TECTA: variants seen among roughly 807,000 people sequenced by gnomAD.
TECTA encodes the protein alpha-tectorin.
In TECTA, 128 loss-of-function variants were observed where a neutral mutation model predicts 216.8. The observed-to-expected ratio is 0.59, with a 90% confidence interval of 0.51 to 0.68. The LOEUF is 0.68. TECTA is among the 30% of genes least tolerant of loss of function. The pLI, the probability that TECTA is intolerant of heterozygous loss-of-function variation, is 0.00. For synonymous variants in TECTA, 1,089 were observed against 1,117.1 expected, an observed-to-expected ratio of 0.97 and a Z score of 0.50; for missense variants, 2,551 against 2,786.2, an observed-to-expected ratio of 0.92 and a Z score of 1.90.
intron 10 of TECTA, among the ~76,000 whole-genome samples, chr11:121,131,995 G>A (rs1228405525): frequency 6.6e-6 from 1 of 152,096 alleles, no homozygotes; most frequent in Non-Finnish European, 1.5e-5. Context: ...GAAAGTTACT[G>A]TTTTTTAATC....
chr11:121,150,066 G>A (rs534218604), intron 12 of TECTA, among the ~76,000 whole-genome samples: 8 of 152,102 alleles, frequency 5.3e-5, no homozygotes, highest in East Asian at 3.9e-4. Flanking sequence ...ACAATGTATC[G>A]CAGACCTTCA....
chr11:121,118,368 T>A lies in TECTA; in HGVS notation c.853T>A (p.Cys285Ser). Residue 285 changes from cysteine to serine, a missense_variant, in exon 7 of 24, where the codon TGT becomes AGT. Physicochemically the swap from Cys to Ser is moderately radical, Grantham distance 112. This residue lies in a region of TECTA where 2,375 missense variants were observed against 2,563.9 expected (regional missense o/e 0.93). Transcript: ENST00000392793. ...CTTGAACTGCACCGTCAAGTGCCGC[T>A]GTCTGGATTTCAACAATGAGATCTA... ...DDLNCTVKCR[C>S]LDFNNEIYCQ... 1 of 1,614,180 alleles carries A rather than the reference T, an allele frequency of 6.2e-7. No individual in the cohort carries two copies. Among genetic ancestry groups the A allele is most frequent in the Non-Finnish European group, 8.5e-7 (1 of 1,180,040 alleles).
intron 20 of TECTA, among the ~76,000 whole-genome samples, chr11:121,174,834 G>A (rs921774749): frequency 3.3e-5 from 5 of 152,144 alleles, no homozygotes; most frequent in African/African-American, 7.2e-5. Context: ...ACTCTTTTTG[G>A]TTGGTAAGCT....
intron 20 of TECTA, among the ~76,000 whole-genome samples, chr11:121,183,921 G>A (rs952580996): frequency 6.6e-6 from 1 of 151,932 alleles, no homozygotes; most frequent in Non-Finnish European, 1.5e-5. Flanking sequence ...CTGAGTAGCT[G>A]GGACTACAGG....
At chr11:121,179,905 T>C (rs1947207966) in intron 20 of TECTA, among the ~76,000 whole-genome samples, 1 of 152,042 alleles carries the variant, frequency 6.6e-6, no homozygotes, top group African/African-American at 2.4e-5. Context: ...TCAGTCTATG[T>C]GTGTCTTTAC....
In TECTA at chr11:121,190,982, T is replaced by C; in HGVS notation, c.*176T>C. ...ACCAGCGACCATCCAAGCTCCTCTT[T>C]CAGAGTATGAAACGGGGCTTCTACA... On this transcript the variant is annotated 3_prime_UTR_variant, in exon 24 of 24. Coordinates refer to ENST00000392793, the MANE Select transcript of TECTA (RefSeq NM_005422.4). 1 of 574,898 alleles carries C rather than the reference T, an allele frequency of 1.7e-6. No homozygotes were observed. Among genetic ancestry groups the C allele is most frequent in the South Asian group, 1.9e-5 (1 of 53,760 alleles). 35.6% of individuals were successfully genotyped at this position (574,898 alleles called of 1,614,324 possible).
chr11:121,118,283 G>T (rs1946519381), intron 6 of TECTA, 23 bp from the exon 7 acceptor site: 1 of 1,613,652 alleles, frequency 6.2e-7, no homozygotes, highest in South Asian at 1.1e-5. Context: ...GTAAATGTTG[G>T]CTCTAATGTC....
chr11:121,131,855 A>G (rs1308486213), intron 10 of TECTA, among the ~76,000 whole-genome samples: 1 of 152,208 alleles, frequency 6.6e-6, no homozygotes, highest in Non-Finnish European at 1.5e-5. Flanking sequence ...TGGCAGGAAT[A>G]CCACAAAAGC....
intron 6 of TECTA, among the ~76,000 whole-genome samples, chr11:121,114,654 C>T (rs1310234075): frequency 1.6e-5 from 2 of 122,902 alleles, no homozygotes; most frequent in Non-Finnish European, 3.5e-5. Context: ...CCCATCCATC[C>T]ACCTACCCAC....
At chr11:121,179,979 T>G (rs1349089228) in intron 20 of TECTA, among the ~76,000 whole-genome samples, 111 of 151,760 alleles carry the variant, frequency 7.3e-4, no homozygotes, top group African/African-American at 2.6e-3. Context: ...TGTTTGTTTT[T>G]TTTTTTTTTT....
intron 13 of TECTA, among the ~76,000 whole-genome samples, chr11:121,155,379 G>A (rs996716287): frequency 1.3e-5 from 2 of 152,168 alleles, no homozygotes. Flanking sequence ...CATCCACTCA[G>A]TTATTCTATA....
chr11:121,126,405 T>G (rs890205131), intron 8 of TECTA, among the ~76,000 whole-genome samples: 2 of 152,020 alleles, frequency 1.3e-5, no homozygotes, highest in African/African-American at 4.8e-5. Context: ...ATATTAGGAG[T>G]GGTTAGGAAA....
At chr11:121,138,338 G>A (rs1946752139) in intron 11 of TECTA, among the ~76,000 whole-genome samples, 1 of 152,174 alleles carries the variant, frequency 6.6e-6, no homozygotes, top group Admixed American at 6.5e-5. Flanking sequence ...CCTGCTTGGT[G>A]GCTGCTGTGT....
At chr11:121,166,498 T>C in intron 17 of TECTA, 80 bp from the exon 18 acceptor site, 1 of 1,452,920 alleles carries the variant, frequency 6.9e-7, no homozygotes, top group Non-Finnish European at 9.6e-7. Flanking sequence ...TAAAGGAGAA[T>C]GGAAATGGGA....
chr11:121,147,960 C>T (rs1946855193), intron 12 of TECTA, among the ~76,000 whole-genome samples: 1 of 152,158 alleles, frequency 6.6e-6, no homozygotes, highest in Non-Finnish European at 1.5e-5. Flanking sequence ...GTCAGCAAGG[C>T]CTCACAACCT....
chr11:121,132,465 C>T (rs1051133318), intron 10 of TECTA, among the ~76,000 whole-genome samples: 4 of 152,116 alleles, frequency 2.6e-5, no homozygotes, highest in Non-Finnish European at 4.4e-5. Context: ...CTGGTTCCTT[C>T]GAGTGGAGCG....
Position 121,160,350 on chromosome 11 carries a change from C to T in TECTA, c.4905C>T (p.Thr1635=), listed in dbSNP as rs1459941258. 2 of 1,613,932 alleles carry T rather than the reference C, an allele frequency of 1.2e-6. No individual in the cohort carries two copies. The highest frequency in any genetic ancestry group is 2.7e-5 in the African/African-American group (2 of 74,920). The change falls in exon 15 of 24, where the codon ACC becomes ACT. Residue 1635 remains threonine (T), a synonymous_variant. Coordinates refer to ENST00000392793, the MANE Select transcript of TECTA (RefSeq NM_005422.4). ...GGGACCTAACAGATGATTATGTGAC[C>T]TTGCGAGGGAAGCCGGTGGTAAGCA... ...FNGDLTDDYV[T]LRGKPVVSSV...
In TECTA at chr11:121,102,489, G is replaced by A. The variant is rs55806912; in HGVS notation, c.-1-176G>A. 6.4e-3 allele frequency among the ~76,000 whole-genome samples: 967 copies of A among 152,244 alleles called. 7 individuals are homozygous for A. Among genetic ancestry groups the A allele is most frequent in the South Asian group, 0.032 (154 of 4,826 alleles). ...ATTTGTTCATGAAGTGTTGAACTTC[G>A]GAGGACCTGCCAGCATTCAGGGGAT... On this transcript the variant is annotated intron_variant, in intron 1 of 23. Transcript: ENST00000392793.
chr11:121,149,808 G>A (rs1420668309), intron 12 of TECTA, among the ~76,000 whole-genome samples: 2 of 152,188 alleles, frequency 1.3e-5, no homozygotes, highest in African/African-American at 2.4e-5. Context: ...AGGTCATCAC[G>A]CCACAGCTCT....
Sources: allele counts gnomAD v4.1 joint callset (sites outside exome capture counted in the v4.1 genomes callset), GRCh38; gene constraint gnomAD v4.1.1; regional missense constraint gnomAD v4.1.1; transcripts MANE v1.5; gene names NCBI Gene and HGNC (gene_info 2026-07-23, HGNC 2026-07-21).